The following TSKS variants were observed in gnomAD, a reference collection of about 807,000 sequenced individuals.
The protein encoded by TSKS is testis-specific serine kinase substrate.
A neutral mutation model predicts 68.0 loss-of-function variants in TSKS; 27 were observed. The observed-to-expected ratio is 0.40, with a 90% confidence interval of 0.29 to 0.55. The LOEUF (loss-of-function observed/expected upper bound fraction) is 0.55, where lower values mean the gene tolerates loss of function less well. TSKS is among the 20% of genes least tolerant of loss of function. The pLI, the probability that TSKS is intolerant of heterozygous loss-of-function variation, is 0.53. For missense variants in TSKS, 806 were observed against 776.0 expected (o/e 1.04, Z -0.46); for synonymous variants, 331 against 340.4 (o/e 0.97, Z 0.30).
chr19:49,744,157 A>G (rs1178644199), intron 8 of TSKS, 74 bp downstream of exon 8: 1 of 1,501,686 alleles, frequency 6.7e-7, no homozygotes, highest in Non-Finnish European at 9.1e-7. Context: ...CCCTTCACTA[A>G]TGTCCCATCT....
chr19:49,747,956 G>C (rs897815422), intron 4 of TSKS, 129 bp downstream of exon 4: 2 of 839,120 alleles, frequency 2.4e-6, no homozygotes, highest in Non-Finnish European at 4.0e-6. Context: ...TGATCTGCCT[G>C]CCTCGGCCTC....
chr19:49,741,976 T>C lies in TSKS; in HGVS notation c.1406A>G (p.Asp469Gly). The C allele has an allele frequency of 6.2e-7, 1 of 1,614,174 alleles. No homozygotes were observed. The highest frequency in any genetic ancestry group is 1.1e-5 in the South Asian group (1 of 91,080). Residue 469 changes from aspartate to glycine, a missense_variant, in exon 9 of 11, where the codon GAC becomes GGC. Transcript: ENST00000246801. Reference protein sequence around the residue: ...LSTESLQQLLDRALTSLVDEV... With the variant: ...LSTESLQQLLGRALTSLVDEV... ...GTCCACTAGTGAGGTCAGTGCTCGG[T>C]CCAGCAGCTGCTGCAGGGACTCCGT...
chr19:49,745,910 G>A (rs1170333047), intron 6 of TSKS, among the ~76,000 whole-genome samples: 2 of 152,174 alleles, frequency 1.3e-5, no homozygotes, highest in Non-Finnish European at 2.9e-5. Flanking sequence ...TAGGCCGGGC[G>A]CGGTGGCTCA....
chr19:49,752,349 T>C (rs62129177), intron 2 of TSKS, among the ~76,000 whole-genome samples: 6 of 141,328 alleles, frequency 4.2e-5, no homozygotes, highest in Non-Finnish European at 7.5e-5. Flanking sequence ...ATGCCACTGC[T>C]CTCCAGCCTG....
rs757813710 is a variant in TSKS at position 49,763,029 on chromosome 19, G to C, written c.170+49C>G. On this transcript the variant is annotated intron_variant, in intron 1 of 10. Coordinates refer to ENST00000246801, the MANE Select transcript of TSKS (RefSeq NM_021733.2). The surrounding 1 kb of genome is among the most constrained non-coding windows in gnomAD (Gnocchi z 4.5). Reference sequence around the variant, plus strand: ...ACAGTCGGACTCCTGCTCTGTTGGAGGTAGTGCTGGGCATTAGAACCATCC... The same window carrying C: ...ACAGTCGGACTCCTGCTCTGTTGGACGTAGTGCTGGGCATTAGAACCATCC... 6.4e-7 allele frequency: 1 copy of C among 1,574,132 alleles called. No individual in the cohort carries two copies. Among genetic ancestry groups the C allele is most frequent in the African/African-American group, 1.4e-5 (1 of 72,918 alleles).
Position 49,742,018 on chromosome 19 carries a change from T to C in TSKS, c.1364A>G (p.Gln455Arg). Residue 455 changes from glutamine to arginine, a missense_variant and splice_region_variant, in exon 9 of 11, where the codon CAG becomes CGG. Physicochemically the swap from Gln to Arg is conservative, Grantham distance 43 (BLOSUM62 1). Coordinates refer to ENST00000246801, the MANE Select transcript of TSKS (RefSeq NM_021733.2). ...HQGNCARCASQGSQLSTESLQ... is the reference protein window; with the variant it reads ...HQGNCARCASRGSQLSTESLQ... ...GGACTCCGTAGACAACTGCGACCCC[T>C]GGCTGGGGGAGGGGCGGTCACCAGA... 6.2e-7 allele frequency: 1 copy of C among 1,613,906 alleles called. No individual in the cohort carries two copies. Among genetic ancestry groups the C allele is most frequent in the Non-Finnish European group, 8.5e-7 (1 of 1,179,994 alleles).
intron 2 of TSKS, among the ~76,000 whole-genome samples, chr19:49,754,254 T>G (rs932079749): frequency 9.3e-5 from 14 of 151,184 alleles, no homozygotes; most frequent in Admixed American, 9.2e-4. Context: ...ATCTCAGCAC[T>G]TTGGGAGGCC....
Position 49,745,117 on chromosome 19 carries a change from C to G in TSKS, c.1187+85G>C, listed in dbSNP as rs557356952. ...GAATGCCTGGCCATAGCTGATTGGC[C>G]TACCCATTTCCCTCAAGACCCCGCC... On this transcript the variant is annotated intron_variant, in intron 7 of 10. Transcript: ENST00000246801. 11 of 1,364,798 alleles carry G rather than the reference C, an allele frequency of 8.1e-6. No individual in the cohort carries two copies. The African/African-American group carries it at 1.4e-4, about 18-fold the overall frequency. 84.5% of individuals were successfully genotyped at this position (1,364,798 alleles called of 1,614,324 possible).
intron 8 of TSKS, among the ~76,000 whole-genome samples, chr19:49,742,590 C>T (rs375735747): frequency 7.9e-5 from 12 of 151,236 alleles, no homozygotes; most frequent in African/African-American, 1.7e-4. Context: ...CCTCTGCCTC[C>T]TGAGTTCAGC....
chr19:49,740,974 C>T (rs1404368433), intron 9 of TSKS, among the ~76,000 whole-genome samples: 6 of 151,738 alleles, frequency 4.0e-5, no homozygotes, highest in Non-Finnish European at 4.4e-5. Flanking sequence ...ATCAGGAGAT[C>T]GAGATCATCC....
chr19:49,740,382 CT>C (rs1214786186), intron 9 of TSKS, 199 bp from the exon 10 acceptor site: 1 of 627,950 alleles, frequency 1.6e-6, no homozygotes, highest in East Asian at 2.8e-5. Flanking sequence ...TGGACTAAAT[CT>C]GTGTCTGTCC....
In TSKS at chr19:49,763,238, C is replaced by A. The variant is rs372540563; in HGVS notation, c.10G>T (p.Val4Leu). Residue 4 changes from valine (V) to leucine (L), a missense_variant, in exon 1 of 11, where the codon GTG becomes TTG. Transcript: ENST00000246801. This position sits in a 1 kb window ranked among gnomAD's most constrained non-coding sequence, Gnocchi z 4.5. Reference sequence around the variant, plus strand: ...GACTGCCAGATCGTCTTCACCACCACGCTCGCCATGGTGTGGGGGTCTGGC... The same window carrying A: ...GACTGCCAGATCGTCTTCACCACCAAGCTCGCCATGGTGTGGGGGTCTGGC... The part of the protein sequence containing the change: MAS[V>L]VVKTIWQSKE... 1.6e-5 allele frequency: 24 copies of A among 1,498,676 alleles called. No individual in the cohort carries two copies. Among genetic ancestry groups the A allele is most frequent in the Non-Finnish European group, 2.0e-5 (22 of 1,124,834 alleles). 92.8% of individuals were successfully genotyped at this position (1,498,676 alleles called of 1,614,324 possible).
intron 1 of TSKS, among the ~76,000 whole-genome samples, 169 bp from the exon 2 acceptor site, chr19:49,762,401 A>G (rs1600204489): frequency 2.1e-5 from 3 of 144,654 alleles, no homozygotes; most frequent in Non-Finnish European, 4.5e-5. Flanking sequence ...TGTGCTGCCT[A>G]CTTTCTTTCT....
chr19:49,761,540 C>T (rs558522500), intron 2 of TSKS, among the ~76,000 whole-genome samples: 5 of 152,296 alleles, frequency 3.3e-5, no homozygotes, highest in East Asian at 3.9e-4. Flanking sequence ...GGATCTCCTC[C>T]GTTAGGGAAT....
intron 2 of TSKS, among the ~76,000 whole-genome samples, chr19:49,752,383 CAAA>C (rs35015955): frequency 2.4e-5 from 2 of 83,260 alleles, no homozygotes; most frequent in African/African-American, 7.4e-5. Context: ...AACTCCATCT[CAAA>C]AAAAAAAAAA....
At chr19:49,748,910 T>C (rs2084325571) in intron 2 of TSKS, among the ~76,000 whole-genome samples, 1 of 151,960 alleles carries the variant, frequency 6.6e-6, no homozygotes, top group Admixed American at 6.6e-5. Flanking sequence ...CTACTAAAAA[T>C]ACAAAAATTA....
At chr19:49,746,413 C>T in intron 6 of TSKS, 57 bp downstream of exon 6, 3 of 1,598,460 alleles carry the variant, frequency 1.9e-6, no homozygotes, top group Non-Finnish European at 2.6e-6. Flanking sequence ...CTCGAGGCTC[C>T]ACCCCTGAGT....
Position 49,746,458 on chromosome 19 carries a change from G to T in TSKS, c.992+12C>A. 7 of 1,613,556 alleles carry T rather than the reference G, an allele frequency of 4.3e-6. No individual in the cohort carries two copies. Among genetic ancestry groups the T allele is most frequent in the Non-Finnish European group, 5.9e-6 (7 of 1,179,798 alleles). ...TCTCGTTTTCGAGGCTCCGCCCCTA[G>T]GTCCCGCCCACCTCAGCTCTTCGAT... On this transcript the variant is annotated intron_variant, in intron 6 of 10. Transcript: ENST00000246801.
At chr19:49,754,389 C>G (rs898051542) in intron 2 of TSKS, among the ~76,000 whole-genome samples, 1 of 151,564 alleles carries the variant, frequency 6.6e-6, no homozygotes, top group Non-Finnish European at 1.5e-5. Context: ...ATCCCAGCTA[C>G]TGGGGAGGCT....
Sources: gnomAD v4.1 joint callset for allele counts (sites outside exome capture counted in the v4.1 genomes callset) on GRCh38, gnomAD v4.1.1 for gene constraint, Gnocchi (gnomAD v3.1) non-coding constraint, MANE v1.5 for transcripts, NCBI Gene and HGNC (gene_info 2026-07-23, HGNC 2026-07-21) for gene names.